The following NLK variants were observed in gnomAD, a reference collection of about 807,000 sequenced individuals.
The protein encoded by NLK is nemo like kinase.
NLK carries 11 observed loss-of-function variants against 59.0 expected under a neutral mutation model. The ratio of observed to expected loss-of-function variants is 0.19; its 90% CI spans 0.12 to 0.31. The LOEUF (loss-of-function observed/expected upper bound fraction) is 0.31. Among genes scored for constraint, NLK ranks in the 10% least tolerant of loss-of-function variants. NLK has a pLI of 1.00. For missense variants in NLK, 410 were observed against 661.1 expected (o/e 0.62, Z 4.16); for synonymous variants, 235 against 235.9 (o/e 1.00, Z 0.03).
At chr17:28,064,480 A>G (rs1235906816) in intron 1 of NLK, among the ~76,000 whole-genome samples, 1 of 152,152 alleles carries the variant, frequency 6.6e-6, no homozygotes, top group Non-Finnish European at 1.5e-5. Flanking sequence ...AGGCCTGTAT[A>G]CTAGGCTTTG....
intron 3 of NLK, among the ~76,000 whole-genome samples, chr17:28,153,941 A>T (rs1266374153): frequency 6.6e-6 from 1 of 152,208 alleles, no homozygotes; most frequent in Non-Finnish European, 1.5e-5. Flanking sequence ...GGACAGGAAC[A>T]ATTTGCTGTC....
intron 3 of NLK, among the ~76,000 whole-genome samples, chr17:28,152,199 T>A (rs1907508525): frequency 6.6e-6 from 1 of 152,244 alleles, no homozygotes; most frequent in Admixed American, 6.5e-5. Context: ...AAATATCTGC[T>A]TAGAACAGTA....
At chr17:28,098,172 G>GGGCAAACT (rs1382124289) in intron 1 of NLK, among the ~76,000 whole-genome samples, 2 of 152,030 alleles carry the variant, frequency 1.3e-5, no homozygotes, top group Non-Finnish European at 2.9e-5. Context: ...ATCTACCACA[G>GGGCAAACT]GGCAAACTGT....
At chr17:28,049,390 A>G (rs916007433) in intron 1 of NLK, among the ~76,000 whole-genome samples, 1 of 152,176 alleles carries the variant, frequency 6.6e-6, no homozygotes, top group African/African-American at 2.4e-5. Flanking sequence ...CACCTTTGGA[A>G]CTCACTAGTC....
intron 3 of NLK, among the ~76,000 whole-genome samples, chr17:28,147,177 AC>A (rs1907291223): frequency 6.6e-6 from 1 of 152,094 alleles, no homozygotes; most frequent in Admixed American, 6.6e-5. Context: ...CCCACTTAGT[AC>A]CCAGTCAGTG....
At chr17:28,187,569 G>A (rs1909164773) in intron 8 of NLK, among the ~76,000 whole-genome samples, 1 of 152,038 alleles carries the variant, frequency 6.6e-6, no homozygotes, top group African/African-American at 2.4e-5. Flanking sequence ...CAAAATGCTG[G>A]GATTACAGGC....
At chr17:28,167,799 C>T (rs531540669) in intron 5 of NLK, among the ~76,000 whole-genome samples, 1 of 151,954 alleles carries the variant, frequency 6.6e-6, no homozygotes, top group African/African-American at 2.4e-5. Flanking sequence ...CGCCACTGCA[C>T]TCCAGCCAGG....
At chr17:28,108,195 G>C (rs946409858) in intron 1 of NLK, among the ~76,000 whole-genome samples, 3 of 152,156 alleles carry the variant, frequency 2.0e-5, no homozygotes, top group Non-Finnish European at 2.9e-5. Context: ...CTGTGCTCCA[G>C]CCTGGGCAGC....
At chr17:28,164,797 G>C (rs1908155495) in intron 5 of NLK, among the ~76,000 whole-genome samples, 1 of 152,024 alleles carries the variant, frequency 6.6e-6, no homozygotes, top group Non-Finnish European at 1.5e-5. Flanking sequence ...TTATTACTTA[G>C]GTTGCTGGCG....
chr17:28,149,210 G>C (rs927273378), intron 3 of NLK, among the ~76,000 whole-genome samples: 1 of 152,030 alleles, frequency 6.6e-6, no homozygotes, highest in African/African-American at 2.4e-5. Context: ...ATACAGGTGC[G>C]CACCACCACA....
intron 1 of NLK, among the ~76,000 whole-genome samples, chr17:28,079,239 A>G (rs1039536850): frequency 7.2e-5 from 11 of 152,172 alleles, no homozygotes; most frequent in Admixed American, 5.9e-4. Context: ...ATTTTGTTGT[A>G]TGTATATACC....
chr17:28,137,262 G>A (rs1322691540), intron 3 of NLK, among the ~76,000 whole-genome samples: 1 of 152,016 alleles, frequency 6.6e-6, no homozygotes. Context: ...TATTTTTGAG[G>A]TCTGTATGAA....
intron 3 of NLK, among the ~76,000 whole-genome samples, chr17:28,144,335 A>G (rs1414708306): frequency 2.0e-5 from 3 of 150,664 alleles, no homozygotes; most frequent in African/African-American, 4.9e-5. Flanking sequence ...GAAGAGAGTC[A>G]CTATAGTTGG....
At chr17:28,089,951 A>G (rs1904427142) in intron 1 of NLK, among the ~76,000 whole-genome samples, 1 of 152,176 alleles carries the variant, frequency 6.6e-6, no homozygotes, top group Non-Finnish European at 1.5e-5. Flanking sequence ...TTTATCAGCA[A>G]CATCATTTGC....
intron 1 of NLK, among the ~76,000 whole-genome samples, chr17:28,086,325 A>G (rs1169714736): frequency 6.6e-6 from 1 of 152,076 alleles, no homozygotes; most frequent in Non-Finnish European, 1.5e-5. Flanking sequence ...TTTATGTTCC[A>G]TGGGCTAGAA....
intron 1 of NLK, among the ~76,000 whole-genome samples, chr17:28,108,424 A>G (rs962055388): frequency 6.6e-6 from 1 of 152,200 alleles, no homozygotes; most frequent in Non-Finnish European, 1.5e-5. Context: ...AACAAGGTAC[A>G]GATATATGCA....
chr17:28,167,579 G>A (rs983134522), intron 5 of NLK, among the ~76,000 whole-genome samples: 3 of 151,862 alleles, frequency 2.0e-5, no homozygotes, highest in Admixed American at 6.6e-5. Flanking sequence ...GCCAGGTGCA[G>A]TAGCTCACGC....
At chr17:28,056,947 C>CTTTTTTTTTT (rs934652705) in intron 1 of NLK, among the ~76,000 whole-genome samples, 1 of 86,906 alleles carries the variant, frequency 1.2e-5, no homozygotes, top group Non-Finnish European at 2.2e-5. Flanking sequence ...CATTACCTAC[C>CTTTTTTTTTT]TTTTTTTTTT....
chr17:28,105,027 T>G (rs962024088), intron 1 of NLK, among the ~76,000 whole-genome samples: 1 of 152,220 alleles, frequency 6.6e-6, no homozygotes, highest in Non-Finnish European at 1.5e-5. Flanking sequence ...TTTGACTTAG[T>G]AGCCTTCCAT....
Sources: gnomAD v4.1 joint callset for allele counts (sites outside exome capture counted in the v4.1 genomes callset) on GRCh38, gnomAD v4.1.1 for gene constraint, MANE v1.5 for transcripts, NCBI Gene and HGNC (gene_info 2026-07-23, HGNC 2026-07-21) for gene names.